AGAP1: variants seen among roughly 807,000 people sequenced by gnomAD.
The protein encoded by AGAP1 is ArfGAP with GTPase domain, ankyrin repeat and PH domain 1, also known as arf-GAP with GTPase, ANK repeat and PH domain-containing protein 1.
In AGAP1, 29 loss-of-function variants were observed where a neutral mutation model predicts 105.3. That is an observed-to-expected ratio of 0.28 (90% confidence interval 0.21 to 0.38). The LOEUF is 0.38. Ranked by LOEUF, AGAP1 falls within the 10% of genes least tolerant of loss-of-function variation. AGAP1 has a pLI of 1.00. For synonymous variants in AGAP1, 509 were observed against 485.9 expected (o/e 1.05, Z -0.63); for missense variants, 998 against 1,165.1 (o/e 0.86, Z 2.09).
chr2:235,857,585 A>G (rs1031339296), intron 9 of AGAP1, among the ~76,000 whole-genome samples: 4 of 152,318 alleles, frequency 2.6e-5, no homozygotes, highest in Admixed American at 2.0e-4. Flanking sequence ...TGGATACACC[A>G]AGAACATGGA....
intron 1 of AGAP1, among the ~76,000 whole-genome samples, chr2:235,565,127 G>T (rs1401775716): frequency 2.0e-5 from 3 of 149,848 alleles, no homozygotes; most frequent in Admixed American, 2.0e-4. Context: ...CCAGGTGTGA[G>T]CCTGGACCAG....
intron 1 of AGAP1, among the ~76,000 whole-genome samples, chr2:235,538,956 G>A (rs1943343287): frequency 6.6e-6 from 1 of 152,000 alleles, no homozygotes; most frequent in South Asian, 2.1e-4. Context: ...GAGGCAGAAG[G>A]AAAAACTCGG....
chr2:236,041,537 C>T (rs1393009551), intron 15 of AGAP1, among the ~76,000 whole-genome samples: 2 of 152,146 alleles, frequency 1.3e-5, no homozygotes, highest in African/African-American at 4.8e-5. Flanking sequence ...TTGAAAAAGT[C>T]ATTTTGTTGT....
chr2:235,550,919 C>T lies in AGAP1; in HGVS notation c.163+56070C>T, dbSNP rs748308212. Among the ~76,000 whole-genome samples, 23 of 152,032 alleles carry T rather than the reference C, an allele frequency of 1.5e-4. No homozygotes were observed. The highest frequency in any genetic ancestry group is 3.2e-4 in the Non-Finnish European group (22 of 68,012). ...CCTCCTGAGTAGCTGGGACTACAGG[C>T]GTGCACCACCACACCCAGCTAATTT... On this transcript the variant is annotated intron_variant, in intron 1 of 17. Coordinates refer to ENST00000304032, the MANE Select transcript of AGAP1 (RefSeq NM_001037131.3). The surrounding 1 kb of genome is among the most constrained non-coding windows in gnomAD (Gnocchi z 4.6).
Position 236,078,833 on chromosome 2 carries a change from C to T in AGAP1, c.2114+29552C>T, listed in dbSNP as rs1403453551. On this transcript the variant is annotated intron_variant, in intron 16 of 17. Transcript: ENST00000304032. The surrounding 1 kb of genome is among the most constrained non-coding windows in gnomAD (Gnocchi z 5.3). ...GCCCACCCTCCTACCCCTGCAGCGG[C>T]CCCATCCCACGTGGTTAAGTGGGTG... Among the ~76,000 whole-genome samples the T allele has an allele frequency of 6.6e-6, 1 of 152,174 alleles. No individual in the cohort carries two copies. The highest frequency in any genetic ancestry group is 1.9e-4 in the East Asian group (1 of 5,180).
At position 235,797,797 on chromosome 2, in the gene AGAP1, C is replaced by G. The variant is rs1185044711; in HGVS notation, c.712C>G (p.Leu238Val). 5 of 1,614,104 alleles carry G rather than the reference C, an allele frequency of 3.1e-6. No homozygotes were observed. Among genetic ancestry groups the G allele is most frequent in the Non-Finnish European group, 4.2e-6 (5 of 1,180,046 alleles). Residue 238 changes from leucine (L) to valine (V), a missense_variant, in exon 7 of 18, where the codon CTG (leucine) becomes GTG (valine). Around this residue, in one of 3 missense-constraint regions of AGAP1, gnomAD observed 735 missense variants for 833.4 expected, o/e 0.88. Coordinates refer to ENST00000304032, the MANE Select transcript of AGAP1 (RefSeq NM_001037131.3). ...KIVATRKKQQ[L>V]SIGPCKSLPN... ...TGTTGCCACAAGGAAGAAGCAGCAG[C>G]TGTCCATAGGACCCTGCAAGTCGCT...
chr2:235,817,747 C>T (rs959800144), intron 9 of AGAP1, among the ~76,000 whole-genome samples: 5 of 152,032 alleles, frequency 3.3e-5, no homozygotes, highest in Admixed American at 2.0e-4. Context: ...AAAAAGTAGC[C>T]GGGCACGGTG....
intron 9 of AGAP1, among the ~76,000 whole-genome samples, chr2:235,817,496 G>A (rs1040339869): frequency 6.6e-6 from 1 of 151,974 alleles, no homozygotes; most frequent in Non-Finnish European, 1.5e-5. Context: ...CTCACTGAAG[G>A]CCATGTTTTG....
At chr2:235,937,563 C>T (rs1217458755) in intron 12 of AGAP1, among the ~76,000 whole-genome samples, 2 of 151,436 alleles carry the variant, frequency 1.3e-5, no homozygotes, top group African/African-American at 4.8e-5. Flanking sequence ...TGTTGCAAGG[C>T]AAAAAAAATC....
chr2:235,779,053 G>C (rs1424862911), intron 6 of AGAP1, among the ~76,000 whole-genome samples: 1 of 152,164 alleles, frequency 6.6e-6, no homozygotes, highest in Non-Finnish European at 1.5e-5. Context: ...GATCATGCAG[G>C]TCATAAATTG....
rs1945662029 is a variant in AGAP1 at position 235,599,632 on chromosome 2, G to A, written c.163+104783G>A. 6.6e-6 allele frequency among the ~76,000 whole-genome samples: 1 copy of A among 152,196 alleles called. No homozygotes were observed. Among genetic ancestry groups the A allele is most frequent in the Non-Finnish European group, 1.5e-5 (1 of 68,032 alleles). On this transcript the variant is annotated intron_variant, in intron 1 of 17. Transcript: ENST00000304032. The surrounding 1 kb of genome is among the most constrained non-coding windows in gnomAD (Gnocchi z 5.3). ...GGCCCATGTGGCTCCGGAAGTTCCT[G>A]GGAGTGGCTCGTAGAGCCTGTTTTC...
At position 235,788,854 on chromosome 2, in the gene AGAP1, C is replaced by T. The variant is rs905005247; in HGVS notation, c.674-8905C>T. 1.4e-4 allele frequency among the ~76,000 whole-genome samples: 22 copies of T among 152,164 alleles called. No individual in the cohort carries two copies. Among genetic ancestry groups the T allele is most frequent in the African/African-American group, 4.3e-4 (18 of 41,432 alleles). On this transcript the variant is annotated intron_variant, in intron 6 of 17. Coordinates refer to ENST00000304032, the MANE Select transcript of AGAP1 (RefSeq NM_001037131.3). The surrounding 1 kb of genome is among the most constrained non-coding windows in gnomAD (Gnocchi z 6.0). Reference sequence around the variant, plus strand: ...ACCACGTTAGGGTGCTTTTCGGCATCTCTCAGTGGGGTGAACGTTTGCATG... The same window carrying T: ...ACCACGTTAGGGTGCTTTTCGGCATTTCTCAGTGGGGTGAACGTTTGCATG...
chr2:235,701,748 T>C lies in AGAP1; in HGVS notation c.164-7431T>C, dbSNP rs1486501703. On this transcript the variant is annotated intron_variant, in intron 1 of 17. Transcript: ENST00000304032. This position sits in a 1 kb window ranked among gnomAD's most constrained non-coding sequence, Gnocchi z 4.1. ...TGATCCAGTTTGCAGCGGGCTCTTT[T>C]CCGGCTGCGTTGAAATGGATTTCTT... 1.3e-5 allele frequency among the ~76,000 whole-genome samples: 2 copies of C among 152,192 alleles called. No individual in the cohort carries two copies. The highest frequency in any genetic ancestry group is 4.8e-5 in the African/African-American group (2 of 41,448).
Position 236,078,016 on chromosome 2 carries a change from T to C in AGAP1, c.2114+28735T>C, listed in dbSNP as rs1020372618. The stretch of plus-strand genomic sequence containing the variant: ...CACAGCCATGCTGTATCCATCAGGG[T>C]TCTCCAGAGAAACAACCAATTTGTG... On this transcript the variant is annotated intron_variant, in intron 16 of 17. Transcript: ENST00000304032. The surrounding 1 kb of genome is among the most constrained non-coding windows in gnomAD (Gnocchi z 5.3). Among the ~76,000 whole-genome samples the C allele has an allele frequency of 4.0e-5, 6 of 149,842 alleles. No individual in the cohort carries two copies. Among genetic ancestry groups the C allele is most frequent in the African/African-American group, 1.2e-4 (5 of 40,520 alleles).
intron 1 of AGAP1, among the ~76,000 whole-genome samples, chr2:235,675,185 G>T (rs1455265253): frequency 2.3e-5 from 3 of 128,812 alleles, no homozygotes; most frequent in African/African-American, 8.8e-5. Context: ...TTGGTTGGTT[G>T]GTTGGTTTTT....
intron 12 of AGAP1, among the ~76,000 whole-genome samples, chr2:235,952,731 G>T (rs1185606908): frequency 6.7e-6 from 1 of 150,244 alleles, no homozygotes; most frequent in Non-Finnish European, 1.5e-5. Context: ...TGGAGTTTCC[G>T]CACACACAGA....
At chr2:235,925,623 A>C (rs1446191850) in intron 11 of AGAP1, among the ~76,000 whole-genome samples, 1 of 152,176 alleles carries the variant, frequency 6.6e-6, no homozygotes, top group East Asian at 1.9e-4. Flanking sequence ...CGTCTTAGCT[A>C]TCAGGTCTAG....
chr2:236,019,336 C>T (rs1441044752), intron 13 of AGAP1, among the ~76,000 whole-genome samples: 30 of 152,120 alleles, frequency 2.0e-4, no homozygotes, highest in Non-Finnish European at 1.5e-5. Context: ...CACAAAGGAT[C>T]TCATGCAGAA....
At chr2:236,111,636 C>CA (rs1273816624) in intron 16 of AGAP1, among the ~76,000 whole-genome samples, 3 of 151,704 alleles carry the variant, frequency 2.0e-5, no homozygotes, top group Non-Finnish European at 4.4e-5. Context: ...ACAAAAAGTA[C>CA]AAAAAATTAG....
Sources: gnomAD v4.1 joint callset for allele counts (sites outside exome capture counted in the v4.1 genomes callset) on GRCh38, gnomAD v4.1.1 for gene constraint, gnomAD v4.1.1 regional missense constraint, Gnocchi (gnomAD v3.1) non-coding constraint, MANE v1.5 for transcripts, NCBI Gene and HGNC (gene_info 2026-07-23, HGNC 2026-07-21) for gene names.